GYG1: variants seen among roughly 807,000 people sequenced by gnomAD.
The protein encoded by GYG1 is glycogenin-1.
In GYG1, 44 loss-of-function variants were observed where a neutral mutation model predicts 41.9. That is an observed-to-expected ratio of 1.05 (90% CI 0.83 to 1.35). The LOEUF (loss-of-function observed/expected upper bound fraction) is 1.35, where lower values mean the gene tolerates loss of function less well. Among genes scored for constraint, GYG1 ranks in the 40% most tolerant of loss-of-function variants. The pLI, the probability that GYG1 is intolerant of heterozygous loss-of-function variation, is 0.00. For synonymous variants in GYG1, 141 were observed against 158.1 expected (o/e 0.89, Z 0.81); for missense variants, 429 against 418.9 (o/e 1.02, Z -0.21).
intron 5 of GYG1, among the ~76,000 whole-genome samples, chr3:149,015,663 G>A (rs1713983950): frequency 6.6e-6 from 1 of 152,180 alleles, no homozygotes; most frequent in Non-Finnish European, 1.5e-5. Flanking sequence ...GGAGTGGTGG[G>A]GGAGAAAGCC....
intron 4 of GYG1, among the ~76,000 whole-genome samples, chr3:149,005,567 A>C (rs1054640566): frequency 2.0e-4 from 30 of 152,264 alleles, no homozygotes; most frequent in African/African-American, 6.3e-4. Flanking sequence ...AAGTCGTTTA[A>C]ATTTTTCTGC....
At position 148,996,415 on chromosome 3, in the gene GYG1, A is replaced by G; in HGVS notation, c.257A>G (p.Lys86Arg). Reference protein sequence around the residue: ...KRPELGVTLTKLHCWSLTQYS... With the variant: ...KRPELGVTLTRLHCWSLTQYS... The stretch of plus-strand genomic sequence containing the variant: ...CCAGAGTTGGGTGTCACGCTGACAA[A>G]GCTCCACTGCTGGTCGCTTACACAG... Residue 86 changes from lysine (K) to arginine (R), a missense_variant, in exon 3 of 8, where the codon AAG becomes AGG. Physicochemically the swap from Lys to Arg is conservative, Grantham distance 26. Coordinates refer to ENST00000345003, the MANE Select transcript of GYG1 (RefSeq NM_004130.4). 1 of 1,614,012 alleles carries G rather than the reference A, an allele frequency of 6.2e-7. No homozygotes were observed. The highest frequency in any genetic ancestry group is 2.2e-5 in the East Asian group (1 of 44,888).
At position 148,996,839 on chromosome 3, in the gene GYG1, A is replaced by G; in HGVS notation, c.416A>G (p.Tyr139Cys). ...PDCFNSGVFV[Y>C]QPSVETYNQL... The stretch of plus-strand genomic sequence containing the variant: ...TGCTTCAATTCCGGAGTCTTCGTTT[A>G]TCAGCCTTCAGTTGAAACATACAAT... The change falls in exon 4 of 8, where the codon TAT becomes TGT. Residue 139 changes from tyrosine (Y) to cysteine (C), a missense_variant. Coordinates refer to ENST00000345003, the MANE Select transcript of GYG1 (RefSeq NM_004130.4). 3 of 1,613,720 alleles carry G rather than the reference A, an allele frequency of 1.9e-6. No homozygotes were observed. Among genetic ancestry groups the G allele is most frequent in the Non-Finnish European group, 2.5e-6 (3 of 1,179,590 alleles).
In GYG1 at chr3:149,026,447, T is replaced by C; in HGVS notation, c.829-5T>C. 1.3e-6 allele frequency: 2 copies of C among 1,587,582 alleles called. No homozygotes were observed. The highest frequency in any genetic ancestry group is 1.1e-5 in the South Asian group (1 of 90,520). Reference sequence around the variant, plus strand: ...ATCTTACACTTTCTAATGAACTGTTTGCAGCTTTCAGACTTGGTCTATACA... The same window carrying C: ...ATCTTACACTTTCTAATGAACTGTTCGCAGCTTTCAGACTTGGTCTATACA... On this transcript the variant is annotated splice_polypyrimidine_tract_variant and splice_region_variant and intron_variant, in intron 6 of 7. Transcript: ENST00000345003.
chr3:149,000,571 AT>A (rs1410929961), intron 4 of GYG1, among the ~76,000 whole-genome samples: 2 of 152,184 alleles, frequency 1.3e-5, no homozygotes, highest in African/African-American at 4.8e-5. Context: ...GTTGAGGTTT[AT>A]TTTCTTTTCC....
chr3:149,027,829 CAG>C lies in GYG1; in HGVS notation c.*898_*899del, dbSNP rs148445852. On this transcript the variant is annotated 3_prime_UTR_variant, in exon 8 of 8. Transcript: ENST00000345003. ...TGTGATGGTGATGGATCTGACAGAT[CAG>C]AACAAACCGAGATCAAACTTACATA... is the stretch of plus-strand genomic sequence containing the variant. Among the ~76,000 whole-genome samples, 801 of 152,254 alleles carry C rather than the reference CAG, an allele frequency of 5.3e-3. 6 individuals carry two copies. Among genetic ancestry groups the C allele is most frequent in the African/African-American group, 0.018 (755 of 41,550 alleles).
rs764854657 is a variant in GYG1, at chr3:149,026,434, C to G, written c.829-18C>G. ...CCCTTGCCCATCCATCTTACACTTT[C>G]TAATGAACTGTTTGCAGCTTTCAGA... is the stretch of plus-strand genomic sequence containing the variant. On this transcript the variant is annotated intron_variant, in intron 6 of 7. Coordinates refer to ENST00000345003, the MANE Select transcript of GYG1 (RefSeq NM_004130.4). 8 of 1,546,076 alleles carry G rather than the reference C, an allele frequency of 5.2e-6. No individual in the cohort carries two copies. Among genetic ancestry groups the G allele is most frequent in the African/African-American group, 2.7e-5 (2 of 73,516 alleles).
chr3:148,996,886 G>C lies in GYG1; in HGVS notation c.463G>C (p.Glu155Gln). Residue 155 changes from glutamate to glutamine, a missense_variant, in exon 4 of 8, where the codon GAG (glutamate) becomes CAG (glutamine). Transcript: ENST00000345003. The stretch of plus-strand genomic sequence containing the variant: ...CAATCAGCTGTTGCATCTTGCTTCT[G>C]AGCAAGGTAGTTTTGATGGTATGTA... Reference protein sequence around the residue: ...TYNQLLHLASEQGSFDGGDQG... With the variant: ...TYNQLLHLASQQGSFDGGDQG... 1 of 1,613,188 alleles carries C rather than the reference G, an allele frequency of 6.2e-7. No homozygotes were observed.
At position 148,995,789 on chromosome 3, in the gene GYG1, C is replaced by T. The variant is rs3772581; in HGVS notation, c.144-513C>T. 7.9e-5 allele frequency among the ~76,000 whole-genome samples: 12 copies of T among 152,276 alleles called. No homozygotes were observed. In the East Asian group the frequency reaches 2.3e-3, roughly 29 times the overall value. On this transcript the variant is annotated intron_variant, in intron 2 of 7. Coordinates refer to ENST00000345003, the MANE Select transcript of GYG1 (RefSeq NM_004130.4). ...AGTGTCTTACCCAAGTCTACCCTACCGATCCACCATAAAGAGCTTTCTAAA... is the reference window on the plus strand; with the variant it reads ...AGTGTCTTACCCAAGTCTACCCTACTGATCCACCATAAAGAGCTTTCTAAA...
Position 148,994,178 on chromosome 3 carries a change from A to T in GYG1, c.44A>T (p.Tyr15Phe). The stretch of plus-strand genomic sequence containing the variant: ...GTGACACTAACCACAAACGATGCCT[A>T]CGCCAAAGGTGCCCTGGTCCTGGGA... ...AFVTLTTNDA[Y>F]AKGALVLGSS... The change falls in exon 2 of 8, where the codon TAC (tyrosine) becomes TTC (phenylalanine). Residue 15 changes from tyrosine to phenylalanine, a missense_variant. Physicochemically the swap from Tyr to Phe is conservative, Grantham distance 22. Transcript: ENST00000345003. The T allele has an allele frequency of 6.2e-7, 1 of 1,613,812 alleles. No individual in the cohort carries two copies. The highest frequency in any genetic ancestry group is 8.5e-7 in the Non-Finnish European group (1 of 1,179,824).
intron 4 of GYG1, among the ~76,000 whole-genome samples, chr3:149,007,662 C>T (rs541980767): frequency 1.4e-3 from 212 of 152,286 alleles, no homozygotes; most frequent in African/African-American, 3.8e-3. Context: ...TGAATAGTAA[C>T]GACAGCCGAC....
In GYG1 at chr3:149,009,691, T is replaced by G. The variant is rs34744953; in HGVS notation, c.608+289T>G. ...ATATGTCATGGTCAAAAACACAGAC[T>G]CTTAAGCTCTGCAGACTTACAACTT... On this transcript the variant is annotated intron_variant, in intron 5 of 7. Coordinates refer to ENST00000345003, the MANE Select transcript of GYG1 (RefSeq NM_004130.4). Among the ~76,000 whole-genome samples, 4,068 of 152,274 alleles carry G rather than the reference T, an allele frequency of 0.027. 70 individuals are homozygous for G. The highest frequency in any genetic ancestry group is 0.053 in the South Asian group (257 of 4,830).
chr3:148,991,750 G>A lies in GYG1; in HGVS notation c.7+103G>A, dbSNP rs1319197159. 6.2e-6 allele frequency: 6 copies of A among 965,386 alleles called. No homozygotes were observed. In the African/African-American group the frequency reaches 8.6e-5, roughly 14 times the overall value. The allele number at this position is 965,386 out of a possible 1,614,324, so 59.8% of individuals were successfully genotyped here. A position where few individuals can be genotyped will look rare whatever the true frequency, so the allele number is the denominator to read the frequency against. On this transcript the variant is annotated intron_variant, in intron 1 of 7. Coordinates refer to ENST00000345003, the MANE Select transcript of GYG1 (RefSeq NM_004130.4). ...CCTCAGCCCCGGAGTGTTCCCGGCA[G>A]GACGAAACCGCCGCAAAGTTGCTGG...
Position 148,994,131 on chromosome 3 carries a change from TTTG to T in GYG1, c.8-9_8-7del, listed in dbSNP as rs1172412255. 1.2e-6 allele frequency: 2 copies of T among 1,611,842 alleles called. No individual in the cohort carries two copies. The highest frequency in any genetic ancestry group is 3.3e-5 in the Admixed American group (2 of 60,014). ...TACTGTAATGAGTGTTTTTTTTTTC[TTTG>T]TATTAAGATCAGGCCTTTGTGACAC... On this transcript the variant is annotated splice_polypyrimidine_tract_variant and splice_region_variant and intron_variant, in intron 1 of 7. Transcript: ENST00000345003.
Position 149,026,745 on chromosome 3 carries a change from TGCTTTC to T in GYG1, c.880-14_880-9del. 6.5e-7 allele frequency: 1 copy of T among 1,547,646 alleles called. No homozygotes were observed. ...TTTTCAGCTCTCATAGAGTCAATTA[TGCTTTC>T]CTTTCTAGGAAGATGTCTCAGGAGC... On this transcript the variant is annotated splice_polypyrimidine_tract_variant and intron_variant, in intron 7 of 7. Transcript: ENST00000345003.
intron 5 of GYG1, among the ~76,000 whole-genome samples, chr3:149,012,997 T>TTTTGTGTGTGTGTGTGTGTGTG (rs1553731849): frequency 1.4e-5 from 2 of 141,368 alleles, no homozygotes; most frequent in African/African-American, 5.5e-5. Flanking sequence ...CTCAGTTAAT[T>TTTTGTGTGTGTGTGTGTGTGTG]TGTGTGTGTG....
chr3:149,012,997 TTGTGTGTGTGTG>T lies in GYG1; in HGVS notation c.608+3619_608+3630del, dbSNP rs10575910. Among the ~76,000 whole-genome samples, 15 of 141,464 alleles carry T rather than the reference TTGTGTGTGTGTG, an allele frequency of 1.1e-4. No homozygotes were observed. The East Asian group carries it at 1.9e-3, about 18-fold the overall frequency. The allele number at this position is 141,464 out of a possible 152,430, so 92.8% of individuals were successfully genotyped here. ...GCATGTGCCACTATGCTCAGTTAAT[TTGTGTGTGTGTG>T]TGTGTGTGTGTGTGTGTGTGTGTTT... is the stretch of plus-strand genomic sequence containing the variant. On this transcript the variant is annotated intron_variant, in intron 5 of 7. Coordinates refer to ENST00000345003, the MANE Select transcript of GYG1 (RefSeq NM_004130.4).
intron 6 of GYG1, among the ~76,000 whole-genome samples, chr3:149,024,877 T>C (rs751866017): frequency 1.3e-5 from 2 of 152,240 alleles, no homozygotes; most frequent in Non-Finnish European, 2.9e-5. Flanking sequence ...TTTGTTCTTA[T>C]GAAAGAATTG....
chr3:148,997,695 A>G (rs1406339594), intron 4 of GYG1, among the ~76,000 whole-genome samples: 1 of 152,204 alleles, frequency 6.6e-6, no homozygotes, highest in South Asian at 2.1e-4. Context: ...TTGAAAAATT[A>G]TTTTTGATGG....
Sources: allele counts gnomAD v4.1 joint callset (sites outside exome capture counted in the v4.1 genomes callset), GRCh38; gene constraint gnomAD v4.1.1; transcripts MANE v1.5; gene names NCBI Gene and HGNC (gene_info 2026-07-23, HGNC 2026-07-21).